The following ZNF185 variants were observed in gnomAD, a reference collection of about 807,000 sequenced individuals.
The protein encoded by ZNF185 is zinc finger protein 185 with LIM domain.
Under a neutral mutation model 58.6 loss-of-function variants are expected in ZNF185, and 56 were observed. That is an observed-to-expected ratio of 0.95 (90% CI 0.77 to 1.19). The LOEUF (loss-of-function observed/expected upper bound fraction) is 1.19. Among genes scored for constraint, ZNF185 ranks in the 50% most tolerant of loss-of-function variants. The probability of loss-of-function intolerance (pLI) is 0.00; values close to 1 mark genes in which losing one functional copy is unlikely to be tolerated. For missense variants in ZNF185, 627 were observed against 573.5 expected, an observed-to-expected ratio of 1.09 and a Z score of -0.95; for synonymous variants, 230 against 215.9, an observed-to-expected ratio of 1.07 and a Z score of -0.57.
rs145438645 is a variant in ZNF185, at chrX:152,967,991, G to A, written c.1871+753G>A. On this transcript the variant is annotated intron_variant, in intron 20 of 22. Transcript: ENST00000449285. Reference sequence around the variant, plus strand: ...CTACTCTGCCATCTTGCTTCTCATTGATGGGCAGATCTTAATTCATGTGGA... The same window carrying A: ...CTACTCTGCCATCTTGCTTCTCATTAATGGGCAGATCTTAATTCATGTGGA... 6.8e-4 allele frequency among the ~76,000 whole-genome samples: 76 copies of A among 112,200 alleles called. 1 individual carries two copies. In the East Asian group the frequency reaches 0.019, roughly 28 times the overall value.
chrX:152,963,666 C>T (rs1237749809), intron 17 of ZNF185, among the ~76,000 whole-genome samples, 173 bp from the exon 20 acceptor site: 2 of 112,070 alleles, frequency 1.8e-5, no homozygotes, highest in Non-Finnish European at 3.8e-5. Flanking sequence ...TGGGACATGT[C>T]TCAACTCACC....
At chrX:152,904,684 CTT>C in the ZNF185 span, among the ~76,000 whole-genome samples, 33 of 112,132 alleles carry the variant, frequency 2.9e-4, no homozygotes, top group Non-Finnish European at 5.1e-4. Context: ...TGCTTCCTGA[CTT>C]TATAATTCCT....
chrX:152,901,238 CTTT>C, the ZNF185 span, among the ~76,000 whole-genome samples: 3 of 96,432 alleles, frequency 3.1e-5, no homozygotes, highest in Admixed American at 1.1e-4. Context: ...TTTGTTTTCA[CTTT>C]TTTTTTTTTT....
chrX:152,968,883 A>G (rs1215680435), intron 20 of ZNF185, among the ~76,000 whole-genome samples: 1 of 112,068 alleles, frequency 8.9e-6, no homozygotes, highest in African/African-American at 3.2e-5. Context: ...TCAGTGTCGG[A>G]TCTGAGTAGG....
chrX:152,938,228 A>G, intron 15 of ZNF185, 65 bp downstream of exon 17: 1 of 1,080,073 alleles, frequency 9.3e-7, no homozygotes, highest in African/African-American at 1.8e-5. Context: ...CTGTGTGTCC[A>G]TTGGCCTTTG....
upstream of ZNF185, among the ~76,000 whole-genome samples, chrX:152,912,745 G>C (rs1603127822): frequency 8.9e-6 from 1 of 112,725 alleles, no homozygotes; most frequent in Non-Finnish European, 1.9e-5. Flanking sequence ...CCCAGATGAA[G>C]TGAGGAACTG....
At chrX:152,925,214 G>C (rs56296256) in intron 11 of ZNF185, among the ~76,000 whole-genome samples, 15,561 of 111,222 alleles carry the variant, frequency 0.14, 992 homozygotes, top group Non-Finnish European at 0.21. Flanking sequence ...GCTGAGGTGG[G>C]AGGACTGCCT....
the ZNF185 span, among the ~76,000 whole-genome samples, chrX:152,903,636 C>T: frequency 9.0e-6 from 1 of 110,880 alleles, no homozygotes; most frequent in Non-Finnish European, 1.9e-5. Context: ...GCAGCCAGGG[C>T]CCTACAAGAG....
intron 16 of ZNF185, among the ~76,000 whole-genome samples, chrX:152,952,831 C>CTTT (rs34933153): frequency 2.1e-5 from 2 of 93,607 alleles, no homozygotes; most frequent in African/African-American, 8.0e-5. Flanking sequence ...TTCGTGATTA[C>CTTT]TTTTTTTTTT....
chrX:152,964,108 C>G (rs969501407), intron 18 of ZNF185, among the ~76,000 whole-genome samples, 159 bp downstream of exon 20: 1 of 112,500 alleles, frequency 8.9e-6, no homozygotes, highest in Non-Finnish European at 1.9e-5. Flanking sequence ...GTGTTAGTCC[C>G]CTAATATAAA....
At chrX:152,937,463 C>T (rs1284654805) in intron 14 of ZNF185, among the ~76,000 whole-genome samples, 1 of 108,432 alleles carries the variant, frequency 9.2e-6, no homozygotes, top group African/African-American at 3.5e-5. Flanking sequence ...CAAGCTGTGT[C>T]CTGGCTCCCC....
exon 23 of ZNF185, chrX:152,973,474 ATG>A (rs1203697752): frequency 9.8e-5 from 11 of 112,677 alleles, no homozygotes; most frequent in Admixed American, 9.4e-4. Context: ...AAGATATCAC[ATG>A]TGTCAGTGTT....
intron 2 of ZNF185, 106 bp downstream of exon 3, chrX:152,914,939 C>T (rs1741919839): frequency 4.7e-6 from 5 of 1,061,265 alleles, no homozygotes; most frequent in South Asian, 2.2e-5. Flanking sequence ...TTCAGAGCTC[C>T]GCCAGGCCAT....
At chrX:152,931,775 A>G (rs1942022247) in exon 13 of ZNF185, 1 of 1,198,596 alleles carries the variant, frequency 8.3e-7, no homozygotes, top group Admixed American at 2.2e-5. Flanking sequence ...AGATGCTGCA[A>G]GGTAACTCAG....
At chrX:152,905,131 C>T in the ZNF185 span, among the ~76,000 whole-genome samples, 686 of 113,034 alleles carry the variant, frequency 6.1e-3, 7 homozygotes, top group African/African-American at 0.021. Context: ...ACATCTCTGA[C>T]GGCACCGCTG....
At chrX:152,966,227 G>A (rs2050102122) in intron 19 of ZNF185, among the ~76,000 whole-genome samples, 1 of 110,342 alleles carries the variant, frequency 9.1e-6, no homozygotes, top group Non-Finnish European at 1.9e-5. Flanking sequence ...GGCTGGTCTC[G>A]AATTCCTGAC....
At chrX:152,957,266 G>C (rs2048944905) in intron 16 of ZNF185, among the ~76,000 whole-genome samples, 1 of 107,970 alleles carries the variant, frequency 9.3e-6, no homozygotes, top group East Asian at 2.9e-4. Flanking sequence ...TAGAGAGGGG[G>C]TTTCATCATG....
At chrX:152,920,528 C>T in intron 8 of ZNF185, 117 bp downstream of exon 9, 1 of 942,883 alleles carries the variant, frequency 1.1e-6, no homozygotes, top group Non-Finnish European at 1.5e-6. Context: ...GCCTTCCTAG[C>T]TGAGCCTTCT....
chrX:152,926,319 G>A (rs1569498072), intron 11 of ZNF185, among the ~76,000 whole-genome samples: 1 of 112,817 alleles, frequency 8.9e-6, no homozygotes, highest in African/African-American at 3.2e-5. Flanking sequence ...TGCACCTGAA[G>A]TACTTACCAC....
Sources: gnomAD v4.1 joint callset for allele counts (sites outside exome capture counted in the v4.1 genomes callset) on GRCh38, gnomAD v4.1.1 for gene constraint, MANE v1.5 for transcripts, NCBI Gene and HGNC (gene_info 2026-07-23, HGNC 2026-07-21) for gene names.